MBNL2: variants seen among roughly 807,000 people sequenced by gnomAD.
The protein encoded by MBNL2 is muscleblind like splicing regulator 2.
In MBNL2, 17 loss-of-function variants were observed where a neutral mutation model predicts 41.9. That is an observed-to-expected ratio of 0.41 (90% CI 0.28 to 0.61). MBNL2 has a LOEUF of 0.61. Among genes scored for constraint, MBNL2 ranks in the 20% least tolerant of loss-of-function variants. The probability of loss-of-function intolerance (pLI) is 0.35; values close to 1 mark genes in which losing one functional copy is unlikely to be tolerated. For missense variants in MBNL2, 336 were observed against 505.6 expected (o/e 0.66, Z 3.22); for synonymous variants, 195 against 182.9 (o/e 1.07, Z -0.53).
the MBNL2 span, among the ~76,000 whole-genome samples, chr13:97,187,625 AG>A: frequency 6.0e-5 from 8 of 132,522 alleles, no homozygotes; most frequent in African/African-American, 2.3e-4. Flanking sequence ...AAAAAAAAAG[AG>A]GCCGGGCGCG....
chr13:97,196,951 G>T, the MBNL2 span, among the ~76,000 whole-genome samples: 2 of 152,124 alleles, frequency 1.3e-5, no homozygotes, highest in Non-Finnish European at 2.9e-5. Flanking sequence ...TATTCAGATT[G>T]TTTACATAGA....
intron 2 of MBNL2, among the ~76,000 whole-genome samples, chr13:97,331,405 C>T (rs184726384): frequency 8.5e-5 from 13 of 152,312 alleles, no homozygotes; most frequent in Admixed American, 5.2e-4. Flanking sequence ...CTCCTACCAA[C>T]GGATAGGTCC....
intron 2 of MBNL2, among the ~76,000 whole-genome samples, chr13:97,317,050 T>A (rs1168653332): frequency 6.6e-6 from 1 of 152,166 alleles, no homozygotes; most frequent in Non-Finnish European, 1.5e-5. Context: ...ACACATCTGA[T>A]GGCCTGGACC....
At chr13:97,276,729 G>T (rs1422216022) in intron 2 of MBNL2, among the ~76,000 whole-genome samples, 5 of 151,834 alleles carry the variant, frequency 3.3e-5, no homozygotes, top group Non-Finnish European at 7.4e-5. Flanking sequence ...TCTTCTGGAG[G>T]TTATATAAAG....
chr13:97,388,314 C>CATACATATATATATATATATATAT (rs1555323244), intron 8 of MBNL2, among the ~76,000 whole-genome samples: 25 of 139,706 alleles, frequency 1.8e-4, no homozygotes, highest in African/African-American at 6.1e-4. Flanking sequence ...TACATACATA[C>CATACATATATATATATATATATAT]ATATATATAT....
chr13:97,195,733 G>T, the MBNL2 span, among the ~76,000 whole-genome samples: 1 of 152,112 alleles, frequency 6.6e-6, no homozygotes, highest in African/African-American at 2.4e-5. Context: ...AAAGGTTTTA[G>T]GTGCATTTTC....
the MBNL2 span, among the ~76,000 whole-genome samples, chr13:97,169,862 G>A: frequency 2.6e-5 from 4 of 152,302 alleles, no homozygotes; most frequent in East Asian, 5.8e-4. Context: ...AATGCTTGAT[G>A]TGGCCCTTCG....
At chr13:97,143,223 GA>G in the MBNL2 span, among the ~76,000 whole-genome samples, 1 of 152,228 alleles carries the variant, frequency 6.6e-6, no homozygotes, top group Admixed American at 6.5e-5. Context: ...GGAAGCATTT[GA>G]AAACCTTCCC....
chr13:97,228,496 T>G (rs1161669591), intron 1 of MBNL2, among the ~76,000 whole-genome samples: 8 of 151,758 alleles, frequency 5.3e-5, no homozygotes, highest in Non-Finnish European at 8.8e-5. Flanking sequence ...ATATCTTACA[T>G]GTATATATAA....
chr13:97,230,114 A>T (rs144428974), intron 1 of MBNL2, among the ~76,000 whole-genome samples: 80 of 152,354 alleles, frequency 5.3e-4, no homozygotes, highest in African/African-American at 1.8e-3. Context: ...CCTGACCAAC[A>T]TGGTGAAACC....
intron 3 of MBNL2, among the ~76,000 whole-genome samples, chr13:97,340,382 G>A (rs2061352955): frequency 6.6e-6 from 1 of 152,168 alleles, no homozygotes; most frequent in South Asian, 2.1e-4. Flanking sequence ...AAAGGAAAGG[G>A]AAATTTGTTG....
At position 97,334,148 on chromosome 13, in the gene MBNL2, C is replaced by CCACACACACA. The variant is rs34820289; in HGVS notation, c.175-109_175-100dup. 0.1 allele frequency: 54,207 copies of CCACACACACA among 544,366 alleles called. 1,323 individuals carry two copies. Among genetic ancestry groups the CCACACACACA allele is most frequent in the Non-Finnish European group, 0.12 (37,362 of 309,872 alleles). The allele number at this position is 544,366 out of a possible 1,614,324, so 33.7% of individuals were successfully genotyped here. A position where few individuals can be genotyped will look rare whatever the true frequency, so the allele number is the denominator to read the frequency against. On this transcript the variant is annotated intron_variant, in intron 2 of 8. Coordinates refer to ENST00000679496, the MANE Select transcript of MBNL2 (RefSeq NM_001382683.1). This position sits in a 1 kb window ranked among gnomAD's most constrained non-coding sequence, Gnocchi z 5.3. ...AACACATGAGCATGCGCGCGCACAC[C>CCACACACACA]CACACACACACACACACACACACAC...
intron 1 of MBNL2, among the ~76,000 whole-genome samples, chr13:97,239,657 C>T (rs1354274845): frequency 6.6e-6 from 1 of 152,194 alleles, no homozygotes; most frequent in Middle Eastern, 3.2e-3. Context: ...AGAAGTTTGG[C>T]TGATGAAGGC....
the MBNL2 span, among the ~76,000 whole-genome samples, chr13:97,198,782 A>G: frequency 6.6e-5 from 10 of 152,132 alleles, no homozygotes; most frequent in South Asian, 2.1e-3. Flanking sequence ...CATTGAATCT[A>G]TCCTCAAAAT....
At chr13:97,264,999 C>G (rs934283472) in intron 1 of MBNL2, among the ~76,000 whole-genome samples, 1 of 152,208 alleles carries the variant, frequency 6.6e-6, no homozygotes, top group African/African-American at 2.4e-5. Context: ...ATAAGAGCAT[C>G]TCCTAACTGA....
chr13:97,205,345 G>T, the MBNL2 span, among the ~76,000 whole-genome samples: 3 of 151,202 alleles, frequency 2.0e-5, no homozygotes, highest in African/African-American at 7.3e-5. Flanking sequence ...AGCTGAGATT[G>T]CGCCACTGCA....
At chr13:97,267,789 G>A (rs543727485) in intron 1 of MBNL2, among the ~76,000 whole-genome samples, 20 of 152,306 alleles carry the variant, frequency 1.3e-4, no homozygotes, top group South Asian at 6.2e-4. Flanking sequence ...AGAAACAGCC[G>A]CTGGGGGCAG....
At chr13:97,360,735 G>C (rs977973030) in intron 7 of MBNL2, among the ~76,000 whole-genome samples, 1 of 152,218 alleles carries the variant, frequency 6.6e-6, no homozygotes, top group African/African-American at 2.4e-5. Flanking sequence ...TGAAATATTT[G>C]TGCAACTGAA....
At chr13:97,383,904 T>C (rs965822198) in intron 8 of MBNL2, among the ~76,000 whole-genome samples, 3 of 110,526 alleles carry the variant, frequency 2.7e-5, no homozygotes, top group Non-Finnish European at 5.4e-5. Flanking sequence ...ATATAATTAA[T>C]TTTTTTTTTT....
Sources: gnomAD v4.1 joint callset for allele counts (sites outside exome capture counted in the v4.1 genomes callset) on GRCh38, gnomAD v4.1.1 for gene constraint, Gnocchi (gnomAD v3.1) non-coding constraint, MANE v1.5 for transcripts, NCBI Gene and HGNC (gene_info 2026-07-23, HGNC 2026-07-21) for gene names.